TSPAN18: variants seen among roughly 807,000 people sequenced by gnomAD.
TSPAN18 encodes tetraspanin 18, also known as tetraspanin-18.
In TSPAN18, 14 loss-of-function variants were observed where a neutral mutation model predicts 27.3. The observed-to-expected ratio is 0.51, with a 90% CI of 0.34 to 0.80. The LOEUF (loss-of-function observed/expected upper bound fraction) is 0.80. Among genes scored for constraint, TSPAN18 ranks in the 30% least tolerant of loss-of-function variants. The pLI, the probability that TSPAN18 is intolerant of heterozygous loss-of-function variation, is 0.01. For synonymous variants in TSPAN18, 143 were observed against 136.5 expected (o/e 1.05, Z -0.33); for missense variants, 268 against 323.9 (o/e 0.83, Z 1.32).
At position 44,727,027 on chromosome 11, in the gene TSPAN18, G is replaced by C. The variant is rs1334821588; in HGVS notation, c.-500G>C. The C allele has an allele frequency of 6.8e-6, 1 of 146,968 alleles. No individual in the cohort carries two copies. The highest frequency in any genetic ancestry group is 1.5e-5 in the Non-Finnish European group (1 of 65,656). The allele number at this position is 146,968 out of a possible 1,614,324, so 9.1% of individuals were successfully genotyped here. The stretch of plus-strand genomic sequence containing the variant: ...ACGTAGCGCCGAGCGATCCACCGCG[G>C]AGCCGCGCGAGGCCGCCCGAGCCCC... On this transcript the variant is annotated 5_prime_UTR_variant, in exon 1 of 10. Transcript: ENST00000520358.
At chr11:44,781,392 A>G (rs1405208131) in intron 2 of TSPAN18, among the ~76,000 whole-genome samples, 1 of 151,960 alleles carries the variant, frequency 6.6e-6, no homozygotes, top group Non-Finnish European at 1.5e-5. Flanking sequence ...AAATGTTACA[A>G]CAACCTTAAT....
At chr11:44,875,666 A>G (rs1858311294) in intron 3 of TSPAN18, among the ~76,000 whole-genome samples, 1 of 152,200 alleles carries the variant, frequency 6.6e-6, no homozygotes, top group African/African-American at 2.4e-5. Context: ...CCCCACATTG[A>G]TCCAGACTCA....
At chr11:44,827,965 TC>T (rs1295225447) in intron 2 of TSPAN18, among the ~76,000 whole-genome samples, 2 of 152,216 alleles carry the variant, frequency 1.3e-5, no homozygotes, top group Non-Finnish European at 2.9e-5. Flanking sequence ...GGCTGTAGAC[TC>T]CCACCTGGCT....
intron 2 of TSPAN18, among the ~76,000 whole-genome samples, chr11:44,851,147 G>A (rs1255873572): frequency 1.3e-5 from 2 of 152,218 alleles, no homozygotes; most frequent in African/African-American, 2.4e-5. Context: ...ATGTGAGTGC[G>A]TGGAGAGAAG....
Position 44,761,005 on chromosome 11 carries a change from C to T in TSPAN18, c.-239-3421C>T, listed in dbSNP as rs966475567. The stretch of plus-strand genomic sequence containing the variant: ...CTAAATCCTGCTACACATTTCTTAT[C>T]GAATCTCACAACAGCCTGTGAGTCA... On this transcript the variant is annotated intron_variant, in intron 1 of 9. Transcript: ENST00000520358. 2.0e-5 allele frequency among the ~76,000 whole-genome samples: 3 copies of T among 152,080 alleles called. 1 individual carries two copies. The highest frequency in any genetic ancestry group is 3.8e-4 in the East Asian group (2 of 5,196).
intron 1 of TSPAN18, among the ~76,000 whole-genome samples, chr11:44,755,695 A>G (rs753990038): frequency 1.2e-4 from 19 of 152,086 alleles, no homozygotes; most frequent in Non-Finnish European, 2.5e-4. Flanking sequence ...TTATCTGTCA[A>G]CAAGCAATGC....
intron 2 of TSPAN18, among the ~76,000 whole-genome samples, chr11:44,841,754 G>A (rs577446529): frequency 6.6e-6 from 1 of 152,278 alleles, no homozygotes; most frequent in African/African-American, 2.4e-5. Flanking sequence ...GTTGTTCATG[G>A]GTAGAGAGAA....
At chr11:44,786,354 G>C (rs990233325) in intron 2 of TSPAN18, among the ~76,000 whole-genome samples, 2 of 152,214 alleles carry the variant, frequency 1.3e-5, no homozygotes, top group Non-Finnish European at 2.9e-5. Flanking sequence ...GGGCCAGATG[G>C]GCTTCTGGGG....
At chr11:44,839,194 A>G (rs1300165551) in intron 2 of TSPAN18, among the ~76,000 whole-genome samples, 2 of 152,170 alleles carry the variant, frequency 1.3e-5, no homozygotes, top group East Asian at 3.9e-4. Context: ...CTCTCTGAAC[A>G]TTTTGGTGGA....
intron 3 of TSPAN18, 78 bp from the exon 4 acceptor site, chr11:44,906,329 G>A (rs1445445326): frequency 1.5e-6 from 2 of 1,325,554 alleles, no homozygotes; most frequent in Non-Finnish European, 2.2e-6. Flanking sequence ...TGGCTGCGGG[G>A]AACCCCTGGG....
At chr11:44,814,353 G>C (rs932087184) in intron 2 of TSPAN18, among the ~76,000 whole-genome samples, 2 of 151,994 alleles carry the variant, frequency 1.3e-5, no homozygotes, top group African/African-American at 4.8e-5. Flanking sequence ...ATGAAGACAC[G>C]TGGCTCCATG....
chr11:44,869,433 TG>T (rs1244828643), intron 3 of TSPAN18, among the ~76,000 whole-genome samples: 1 of 152,204 alleles, frequency 6.6e-6, no homozygotes, highest in African/African-American at 2.4e-5. Flanking sequence ...TTCTCACTCG[TG>T]GAGAGGTTAA....
At chr11:44,876,912 G>A (rs1218257063) in intron 3 of TSPAN18, among the ~76,000 whole-genome samples, 1 of 152,190 alleles carries the variant, frequency 6.6e-6, no homozygotes, top group Non-Finnish European at 1.5e-5. Context: ...ACAAGTCCCA[G>A]ACAGACAGAC....
chr11:44,745,993 C>T (rs1160216426), intron 1 of TSPAN18, among the ~76,000 whole-genome samples: 1 of 152,238 alleles, frequency 6.6e-6, no homozygotes, highest in Non-Finnish European at 1.5e-5. Context: ...TGCCACTGCA[C>T]TCCAGCCTGG....
chr11:44,897,934 G>A, intron 3 of TSPAN18: 1 of 1,165,528 alleles, frequency 8.6e-7, no homozygotes, highest in South Asian at 1.3e-5. Context: ...GTTTGCCTCT[G>A]TGTCTCCTTC....
In TSPAN18 at chr11:44,931,201, C is replaced by T; in HGVS notation, c.*2023C>T. 3.2e-6 allele frequency: 1 copy of T among 310,542 alleles called. No homozygotes were observed. Among genetic ancestry groups the T allele is most frequent in the Non-Finnish European group, 6.4e-6 (1 of 156,688 alleles). The allele number at this position is 310,542 out of a possible 1,614,324, so 19.2% of individuals were successfully genotyped here. On this transcript the variant is annotated 3_prime_UTR_variant, in exon 10 of 10. Coordinates refer to ENST00000520358, the MANE Select transcript of TSPAN18 (RefSeq NM_130783.5). ...TCCGTAGAAGCTAAGCTCCTGAGACCCAGGGGGACCTGCCACTGGTACCGC... is the reference window on the plus strand; with the variant it reads ...TCCGTAGAAGCTAAGCTCCTGAGACTCAGGGGGACCTGCCACTGGTACCGC...
intron 2 of TSPAN18, among the ~76,000 whole-genome samples, chr11:44,859,995 G>GT (rs1857834903): frequency 6.6e-6 from 1 of 152,202 alleles, no homozygotes; most frequent in Non-Finnish European, 1.5e-5. Context: ...CACAAATTAT[G>GT]TTTTACATAA....
At chr11:44,778,306 C>T (rs78620892) in intron 2 of TSPAN18, among the ~76,000 whole-genome samples, 18,615 of 151,950 alleles carry the variant, frequency 0.12, 1,569 homozygotes, top group Middle Eastern at 0.2. Context: ...GTTTCTCCCT[C>T]ATCTCCCCTT....
intron 3 of TSPAN18, among the ~76,000 whole-genome samples, chr11:44,900,606 T>C (rs1203814020): frequency 1.3e-5 from 2 of 151,700 alleles, no homozygotes; most frequent in African/African-American, 4.9e-5. Context: ...ACTCAGTGTA[T>C]GCCAGTGGTT....
Sources: allele counts gnomAD v4.1 joint callset (sites outside exome capture counted in the v4.1 genomes callset), GRCh38; gene constraint gnomAD v4.1.1; transcripts MANE v1.5; gene names NCBI Gene and HGNC (gene_info 2026-07-23, HGNC 2026-07-21).